The following ACADVL variants were observed in gnomAD, a reference collection of about 807,000 sequenced individuals.
ACADVL encodes very long-chain acyl-CoA dehydrogenase, mitochondrial.
Under a neutral mutation model 80.4 loss-of-function variants are expected in ACADVL, and 73 were observed. That is an observed-to-expected ratio of 0.91 (90% confidence interval 0.75 to 1.10). The LOEUF (loss-of-function observed/expected upper bound fraction) is 1.10. Ranked by LOEUF, ACADVL falls within the 50% of genes least tolerant of loss-of-function variation. The pLI is 0.00. For missense variants in ACADVL, 878 were observed against 858.9 expected (o/e 1.02, Z -0.28); for synonymous variants, 392 against 326.5 (o/e 1.20, Z -2.16).
At position 7,221,953 on chromosome 17, in the gene ACADVL, G is replaced by T; in HGVS notation, c.624G>T (p.Gly208=). ...GTAAAGTAGCTCTCTCCCCAACAGG[G>T]GAGACTGTGGCCGCTTTCTGTCTAA... ...KEKYLPKLAS[G]ETVAAFCLTE... Residue 208 remains glycine, a splice_region_variant and synonymous_variant, in exon 8 of 20, where the codon GGG becomes GGT. Coordinates refer to ENST00000356839, the MANE Select transcript of ACADVL (RefSeq NM_000018.4). The T allele has an allele frequency of 6.2e-7, 1 of 1,614,114 alleles. No individual in the cohort carries two copies. Among genetic ancestry groups the T allele is most frequent in the African/African-American group, 1.3e-5 (1 of 75,032 alleles).
rs1229645600 is a variant in ACADVL, at chr17:7,225,180, TC to T, written c.*86del. The T allele has an allele frequency of 6.3e-7, 1 of 1,590,202 alleles. No individual in the cohort carries two copies. Among genetic ancestry groups the T allele is most frequent in the African/African-American group, 1.3e-5 (1 of 74,544 alleles). On this transcript the variant is annotated 3_prime_UTR_variant, in exon 20 of 20. Transcript: ENST00000356839. ...CCCCTTTCCTTAAGGCCCTGGTTTG[TC>T]CCGAAGGGGCCTAGTGTTCCCAGCA...
At position 7,224,695 on chromosome 17, in the gene ACADVL, A is replaced by G; in HGVS notation, c.1732A>G (p.Met578Val). The G allele has an allele frequency of 6.6e-7, 1 of 1,505,306 alleles. No individual in the cohort carries two copies. The highest frequency in any genetic ancestry group is 8.9e-7 in the Non-Finnish European group (1 of 1,122,266). The allele number at this position is 1,505,306 out of a possible 1,614,324, so 93.2% of individuals were successfully genotyped here. Residue 578 changes from methionine (M) to valine (V), a missense_variant, in exon 18 of 20, where the codon ATG becomes GTG. Physicochemically the swap from Met to Val is conservative, Grantham distance 21. Coordinates refer to ENST00000356839, the MANE Select transcript of ACADVL (RefSeq NM_000018.4). ...LADGAIDLYAMVVVLSRASRS... is the reference protein window; with the variant it reads ...LADGAIDLYAVVVVLSRASRS... ...AGACGGGGCCATCGACCTCTATGCC[A>G]TGGTGGTGGTTCTCTCGAGGTGAGG... is the stretch of plus-strand genomic sequence containing the variant.
rs370565071 is a variant in ACADVL at position 7,221,558 on chromosome 17, C to G, written c.498C>G (p.Ile166Met). Residue 166 changes from isoleucine to methionine, a missense_variant, in exon 7 of 20, where the codon ATC becomes ATG. Coordinates refer to ENST00000356839, the MANE Select transcript of ACADVL (RefSeq NM_000018.4). ...CNTQYARLVE[I>M]VGMHDLGVGI... ...TCCAGTACGCCCGTTTGGTGGAGAT[C>G]GTGGGCATGCATGACCTTGGCGTGG... The G allele has an allele frequency of 1.9e-6, 3 of 1,613,972 alleles. No homozygotes were observed. Among genetic ancestry groups the G allele is most frequent in the African/African-American group, 1.3e-5 (1 of 74,914 alleles).
upstream of ACADVL, chr17:7,218,146 C>G (rs1333268710): frequency 1.7e-6 from 2 of 1,164,760 alleles, no homozygotes; most frequent in Non-Finnish European, 2.5e-6. Flanking sequence ...GTCAGCAGGG[C>G]CCCCAAGATT....
upstream of ACADVL, chr17:7,218,979 C>A: frequency 1.1e-6 from 1 of 951,466 alleles, no homozygotes; most frequent in Non-Finnish European, 1.6e-6. Context: ...TCCCCCAGGT[C>A]CCAAGGCACC....
chr17:7,220,606 A>G lies in ACADVL; in HGVS notation c.207A>G (p.Glu69=). Residue 69 remains glutamate (E), a splice_region_variant and synonymous_variant, in exon 4 of 20, where the codon GAA becomes GAG. Transcript: ENST00000356839. Reference sequence around the variant, plus strand: ...GAAATTTGCCTCTCTCTGCCCAGGAATCTAAGTCCTTTGCTGTGGGAATGT... The same window carrying G: ...GAAATTTGCCTCTCTCTGCCCAGGAGTCTAAGTCCTTTGCTGTGGGAATGT... ...ALTRKKPAKA[E]SKSFAVGMFK... 6.2e-7 allele frequency: 1 copy of G among 1,614,166 alleles called. No homozygotes were observed. Among genetic ancestry groups the G allele is most frequent in the Non-Finnish European group, 8.5e-7 (1 of 1,180,016 alleles).
At chr17:7,223,481 AG>A in intron 11 of ACADVL, 162 bp from the exon 12 acceptor site, 1 of 899,972 alleles carries the variant, frequency 1.1e-6, no homozygotes. Context: ...ACCCCTTTTA[AG>A]AAAACAAATA....
rs765432568 is a variant in ACADVL at position 7,220,524 on chromosome 17, A to T, written c.199A>T (p.Lys67Ter). 4 of 1,614,174 alleles carry T rather than the reference A, an allele frequency of 2.5e-6. No homozygotes were observed. Among genetic ancestry groups the T allele is most frequent in the Non-Finnish European group, 3.4e-6 (4 of 1,180,014 alleles). The change falls in exon 3 of 20, where the codon AAG (lysine) becomes TAG (stop). Residue 67 changes from lysine to a stop codon, truncating the protein, a stop_gained. Transcript: ENST00000356839. LOFTEE classifies it high-confidence loss of function. ...CGCTCTGACCAGGAAAAAACCGGCCAAGGCGGTAGGTAGCCCCGAGGCCAG... is the reference window on the plus strand; with the variant it reads ...CGCTCTGACCAGGAAAAAACCGGCCTAGGCGGTAGGTAGCCCCGAGGCCAG... ...SDALTRKKPA[K>*]AESKSFAVGM...
chr17:7,218,956 C>G, upstream of ACADVL: 1 of 1,209,518 alleles, frequency 8.3e-7, no homozygotes, highest in Admixed American at 1.8e-5. Flanking sequence ...TCTGAGCCGA[C>G]CAGCTGTCCC....
chr17:7,224,313 C>T lies in ACADVL; in HGVS notation c.1533-8C>T. On this transcript the variant is annotated splice_polypyrimidine_tract_variant and splice_region_variant and intron_variant, in intron 15 of 19. Coordinates refer to ENST00000356839, the MANE Select transcript of ACADVL (RefSeq NM_000018.4). Reference sequence around the variant, plus strand: ...CAACTAACCAGTCATTCTCCCTCTTCCTCTCAGGCGGGCAGGGCTGGGCAG... The same window carrying T: ...CAACTAACCAGTCATTCTCCCTCTTTCTCTCAGGCGGGCAGGGCTGGGCAG... The T allele has an allele frequency of 6.2e-7, 1 of 1,613,826 alleles. No individual in the cohort carries two copies. The highest frequency in any genetic ancestry group is 1.3e-5 in the African/African-American group (1 of 75,036).
In ACADVL at chr17:7,224,243, G is replaced by C. The variant is rs200771970; in HGVS notation, c.1532G>C (p.Arg511Pro). 6.2e-7 allele frequency: 1 copy of C among 1,613,766 alleles called. No homozygotes were observed. The highest frequency in any genetic ancestry group is 1.1e-5 in the South Asian group (1 of 91,084). The change falls in exon 15 of 20, where the codon CGG becomes CCG. Residue 511 changes from arginine to proline, a missense_variant and splice_region_variant. Transcript: ENST00000356839. ...LLGEAGKQLR[R>P]RAGLGSGLSL... ...GGAGAGGCAGGCAAACAGCTGAGGC[G>C]GTAGGCTTAGGGCCAGAGCCAGGGG...
chr17:7,219,750 G>C (rs1412170487), upstream of ACADVL: 1 of 1,455,720 alleles, frequency 6.9e-7, no homozygotes, highest in Admixed American at 2.4e-5. Flanking sequence ...GGTCGGACGG[G>C]CGGGATTAAG....
In ACADVL at chr17:7,220,761, T is replaced by A; in HGVS notation, c.278-5T>A. On this transcript the variant is annotated splice_region_variant and splice_polypyrimidine_tract_variant and intron_variant, in intron 4 of 19. Transcript: ENST00000356839. ...CCTGACCAGCCTGTCCCCCACCCTC[T>A]GCAGTGCTCAACGAAGAGCAGACAC... 1 of 1,614,166 alleles carries A rather than the reference T, an allele frequency of 6.2e-7. No individual in the cohort carries two copies. Among genetic ancestry groups the A allele is most frequent in the Non-Finnish European group, 8.5e-7 (1 of 1,180,044 alleles).
rs764488310 is a variant in ACADVL at position 7,222,718 on chromosome 17, GT to G, written c.932del (p.Phe311SerfsTer42). 3 of 1,614,010 alleles carry G rather than the reference GT, an allele frequency of 1.9e-6. No individual in the cohort carries two copies. The highest frequency in any genetic ancestry group is 2.5e-6 in the Non-Finnish European group (3 of 1,180,032). ...GIKASNTAEV[F>X]FDGVRVPSEN... is the part of the protein sequence containing the mutation. ...TCAAGGCTTCAAACACAGCAGAGGT[GT>G]TCTTTGATGGAGTACGGGTGCCATC... On this transcript the variant is annotated frameshift_variant, in exon 10 of 20. Coordinates refer to ENST00000356839, the MANE Select transcript of ACADVL (RefSeq NM_000018.4). LOFTEE classifies it high-confidence loss of function.
In ACADVL at chr17:7,220,086, G is replaced by A. The variant is rs1287371790; in HGVS notation, c.63-36G>A. On this transcript the variant is annotated intron_variant, in intron 1 of 19. Transcript: ENST00000356839. ...AGAGGGACGGTGGGCAGCGGCCCTG[G>A]GCACCGGGCCGGCACTGAACCCCCA... is the stretch of plus-strand genomic sequence containing the variant. 5 of 1,595,300 alleles carry A rather than the reference G, an allele frequency of 3.1e-6. No individual in the cohort carries two copies. In the African/African-American group the frequency reaches 5.3e-5, roughly 17 times the overall value.
At chr17:7,218,236 C>G (rs1167983360), upstream of ACADVL, 5 of 1,608,372 alleles carry the variant, frequency 3.1e-6, no homozygotes, top group East Asian at 9.0e-5. Flanking sequence ...CCCCCACCTC[C>G]TTACCTGACT....
chr17:7,218,227 C>T (rs2071023505), upstream of ACADVL: 4 of 1,606,174 alleles, frequency 2.5e-6, no homozygotes, highest in South Asian at 3.4e-5. Context: ...AGGCGCTCGC[C>T]CCCACCTCCT....
upstream of ACADVL, chr17:7,218,413 G>A (rs1328812440): frequency 3.7e-6 from 5 of 1,367,082 alleles, no homozygotes; most frequent in African/African-American, 1.4e-5. Flanking sequence ...CACTCATGGA[G>A]GACACCATAG....
At position 7,222,871 on chromosome 17, in the gene ACADVL, T is replaced by A. The variant is rs746213168; in HGVS notation, c.1077+6T>A. 1 of 1,610,428 alleles carries A rather than the reference T, an allele frequency of 6.2e-7. No homozygotes were observed. The highest frequency in any genetic ancestry group is 2.2e-5 in the East Asian group (1 of 44,876). ...GAGGCATCATTGCTAAGGCGGTGAGTACCCTGCCCGAGTCCCTAGGTAACC... is the reference window on the plus strand; with the variant it reads ...GAGGCATCATTGCTAAGGCGGTGAGAACCCTGCCCGAGTCCCTAGGTAACC... On this transcript the variant is annotated splice_donor_region_variant and intron_variant, in intron 10 of 19. Transcript: ENST00000356839.
Sources: gnomAD v4.1 joint callset for allele counts on GRCh38, gnomAD v4.1.1 for gene constraint, MANE v1.5 for transcripts, NCBI Gene and HGNC (gene_info 2026-07-23, HGNC 2026-07-21) for gene names.